TOM1L2: variants seen among roughly 807,000 people sequenced by gnomAD.
The protein encoded by TOM1L2 is target of myb1 like 2 membrane trafficking protein.
A neutral mutation model predicts 67.9 loss-of-function variants in TOM1L2; 31 were observed. That is an observed-to-expected ratio of 0.46 (90% CI 0.34 to 0.62). TOM1L2 has a LOEUF of 0.62. TOM1L2 is among the 20% of genes least tolerant of loss of function. The pLI is 0.01. For missense variants in TOM1L2, 606 were observed against 663.5 expected, an observed-to-expected ratio of 0.91 and a Z score of 0.95; for synonymous variants, 256 against 254.0, an observed-to-expected ratio of 1.01 and a Z score of -0.07.
In TOM1L2 at chr17:17,846,950, C is replaced by G. The variant is rs1194593780; in HGVS notation, c.*685G>C. 1 of 152,414 alleles carries G rather than the reference C, an allele frequency of 6.6e-6. No individual in the cohort carries two copies. The highest frequency in any genetic ancestry group is 2.4e-5 in the African/African-American group (1 of 41,462). 9.4% of individuals were successfully genotyped at this position (152,414 alleles called of 1,614,324 possible). On this transcript the variant is annotated 3_prime_UTR_variant, in exon 15 of 15. Coordinates refer to ENST00000379504, the MANE Select transcript of TOM1L2 (RefSeq NM_001082968.2). ...CCTCCCAATTGTCCTTGGCCCTCTC[C>G]CTGCCCAGGGAGCCTGCAGGGACCC...
In TOM1L2 at chr17:17,961,413, AT is replaced by A. The variant is rs570480617; in HGVS notation, c.52+10848del. 1.8e-4 allele frequency among the ~76,000 whole-genome samples: 27 copies of A among 150,620 alleles called. No homozygotes were observed. The South Asian group carries it at 2.7e-3, about 15-fold the overall frequency. ...GAGGCCTTGCCACTACAAAAAAATA[AT>A]TTTTTTTTTAATTGGCTGGGAATGG... On this transcript the variant is annotated intron_variant, in intron 1 of 14. Transcript: ENST00000379504.
intron 1 of TOM1L2, among the ~76,000 whole-genome samples, chr17:17,957,494 C>G (rs1310169681): frequency 6.6e-6 from 1 of 151,932 alleles, no homozygotes; most frequent in Admixed American, 6.6e-5. Flanking sequence ...GTTGACAGTG[C>G]GTATCTTGAT....
rs1331636916 is a variant in TOM1L2 at position 17,907,508 on chromosome 17, G to T, written c.76C>A (p.Gln26Lys). ...CLEKATDGSL[Q>K]SEDWTLNMEI... is the part of the protein sequence containing the mutation. ...ATATTCAACGTCCAATCCTCACTTT[G>T]CAGGGAGCCATCTGTTGCCTTTTCT... The change falls in exon 2 of 15, where the codon CAA becomes AAA. Residue 26 changes from glutamine to lysine, a missense_variant. This residue lies in a region of TOM1L2 where 63 missense variants were observed against 109.5 expected (regional missense o/e 0.58). Coordinates refer to ENST00000379504, the MANE Select transcript of TOM1L2 (RefSeq NM_001082968.2). 9 of 1,613,932 alleles carry T rather than the reference G, an allele frequency of 5.6e-6. No homozygotes were observed. Among genetic ancestry groups the T allele is most frequent in the Non-Finnish European group, 7.6e-6 (9 of 1,179,918 alleles).
At chr17:17,910,849 G>A (rs917277787) in intron 1 of TOM1L2, among the ~76,000 whole-genome samples, 2 of 152,158 alleles carry the variant, frequency 1.3e-5, no homozygotes, top group Non-Finnish European at 2.9e-5. Context: ...GATTACAGGC[G>A]TGAGCCACTG....
chr17:17,862,401 TG>T (rs2079595144), intron 11 of TOM1L2: 1 of 217,570 alleles, frequency 4.6e-6, no homozygotes, highest in Non-Finnish European at 9.0e-6. Flanking sequence ...GCTTCTCCTG[TG>T]GATGAGGGGC....
chr17:17,877,560 C>T lies in TOM1L2; in HGVS notation c.777+2067G>A, dbSNP rs190567944. Among the ~76,000 whole-genome samples, 43 of 152,254 alleles carry T rather than the reference C, an allele frequency of 2.8e-4. No homozygotes were observed. The East Asian group carries it at 7.5e-3, about 27-fold the overall frequency. On this transcript the variant is annotated intron_variant, in intron 7 of 14. Coordinates refer to ENST00000379504, the MANE Select transcript of TOM1L2 (RefSeq NM_001082968.2). ...GACCCTGCCTGCTGGCTTTTGACTGCCAGGGGAAGAAGGGGTGGGAAGATG... is the reference window on the plus strand; with the variant it reads ...GACCCTGCCTGCTGGCTTTTGACTGTCAGGGGAAGAAGGGGTGGGAAGATG...
At chr17:17,860,919 C>A (rs979222994) in intron 12 of TOM1L2, among the ~76,000 whole-genome samples, 1 of 152,222 alleles carries the variant, frequency 6.6e-6, no homozygotes, top group Non-Finnish European at 1.5e-5. Context: ...CACCCAACTG[C>A]ACCAGCTCTG....
intron 1 of TOM1L2, among the ~76,000 whole-genome samples, chr17:17,944,972 G>C (rs6502625): frequency 0.6 from 91,013 of 152,020 alleles, 30,633 homozygotes; most frequent in East Asian, 0.94. Context: ...TCCTGACATT[G>C]CAGCAGATGC....
At chr17:17,866,951 A>T in intron 8 of TOM1L2, 27 bp from the exon 9 acceptor site, 1 of 1,613,000 alleles carries the variant, frequency 6.2e-7, no homozygotes, top group Non-Finnish European at 8.5e-7. Flanking sequence ...AAGCAGAAGT[A>T]AGGAGAGAGG....
chr17:17,874,550 T>TGTGA (rs2037324834), intron 7 of TOM1L2, among the ~76,000 whole-genome samples: 1 of 152,194 alleles, frequency 6.6e-6, no homozygotes, highest in African/African-American at 2.4e-5. Flanking sequence ...GGATTACAGG[T>TGTGA]GTGAGTCACT....
rs144974516 is a variant in TOM1L2, at chr17:17,886,834, C to T, written c.367-2066G>A. The stretch of plus-strand genomic sequence containing the variant: ...CTGCTTCCATGTTCACAGAGACAGA[C>T]TGGAGTGGGAGGGAAATGCACACCC... On this transcript the variant is annotated intron_variant, in intron 4 of 14. Transcript: ENST00000379504. Among the ~76,000 whole-genome samples, 84 of 152,354 alleles carry T rather than the reference C, an allele frequency of 5.5e-4. 1 individual carries two copies. In the East Asian group the frequency reaches 0.015, roughly 28 times the overall value.
At chr17:17,962,637 T>C (rs2041730614) in intron 1 of TOM1L2, among the ~76,000 whole-genome samples, 2 of 151,952 alleles carry the variant, frequency 1.3e-5, no homozygotes, top group Admixed American at 6.5e-5. Context: ...TTTAATGCCA[T>C]TGAACTGCAC....
At chr17:17,919,468 T>C (rs1174357026) in intron 1 of TOM1L2, among the ~76,000 whole-genome samples, 6 of 152,196 alleles carry the variant, frequency 3.9e-5, no homozygotes, top group Non-Finnish European at 7.3e-5. Flanking sequence ...CAGGAAGACC[T>C]CCATGCTTCC....
At chr17:17,880,381 C>A (rs954194899) in intron 6 of TOM1L2, among the ~76,000 whole-genome samples, 7 of 152,182 alleles carry the variant, frequency 4.6e-5, no homozygotes, top group African/African-American at 1.7e-4. Flanking sequence ...CATCAGCGAT[C>A]CCAAAGCCTG....
intron 1 of TOM1L2, among the ~76,000 whole-genome samples, chr17:17,937,436 G>C (rs1383581233): frequency 6.6e-6 from 1 of 152,188 alleles, no homozygotes; most frequent in African/African-American, 2.4e-5. Flanking sequence ...CTCGGATTAG[G>C]GGACTTTCAC....
intron 2 of TOM1L2, among the ~76,000 whole-genome samples, chr17:17,902,692 T>C (rs749268375): frequency 6.6e-5 from 10 of 152,128 alleles, no homozygotes; most frequent in Admixed American, 2.6e-4. Flanking sequence ...TCCACCAAGA[T>C]AGTCACCAAG....
chr17:17,876,821 G>A (rs2037448849), intron 7 of TOM1L2, among the ~76,000 whole-genome samples: 1 of 152,246 alleles, frequency 6.6e-6, no homozygotes, highest in Admixed American at 6.5e-5. Context: ...TAACCAAGAT[G>A]TCCATTTGAA....
intron 1 of TOM1L2, among the ~76,000 whole-genome samples, chr17:17,965,121 C>G (rs1012240184): frequency 6.6e-6 from 1 of 151,958 alleles, no homozygotes; most frequent in South Asian, 2.1e-4. Flanking sequence ...TGCACAGAAG[C>G]GGGCTTTCAT....
intron 7 of TOM1L2, among the ~76,000 whole-genome samples, chr17:17,879,149 G>GT (rs2144005210): frequency 6.6e-6 from 1 of 152,352 alleles, no homozygotes; most frequent in African/African-American, 2.4e-5. Flanking sequence ...GGGGTGAGGT[G>GT]CCACTACAAG....
Sources: gnomAD v4.1 joint callset for allele counts (sites outside exome capture counted in the v4.1 genomes callset) on GRCh38, gnomAD v4.1.1 for gene constraint, gnomAD v4.1.1 regional missense constraint, MANE v1.5 for transcripts, NCBI Gene and HGNC (gene_info 2026-07-23, HGNC 2026-07-21) for gene names.